Variants in FHIT observed in about 807,000 individuals in gnomAD.
FHIT encodes fragile histidine triad diadenosine triphosphatase, also known as bis(5'-adenosyl)-triphosphatase.
A neutral mutation model predicts 17.9 loss-of-function variants in FHIT; 19 were observed. The ratio of observed to expected loss-of-function variants is 1.06; its 90% CI spans 0.74 to 1.56. The LOEUF (loss-of-function observed/expected upper bound fraction) is 1.56, where lower values mean the gene tolerates loss of function less well. Ranked by LOEUF, FHIT falls within the 40% of genes most tolerant of loss-of-function variation. The probability of loss-of-function intolerance (pLI) is 0.00; values close to 1 mark genes in which losing one functional copy is unlikely to be tolerated. For missense variants in FHIT, 248 were observed against 189.2 expected (o/e 1.31, Z -1.82); for synonymous variants, 81 against 69.7 (o/e 1.16, Z -0.81).
chr3:60,814,866 A>G (rs541571334), intron 4 of FHIT, among the ~76,000 whole-genome samples: 21 of 145,756 alleles, frequency 1.4e-4, no homozygotes, highest in African/African-American at 5.4e-4. Flanking sequence ...CCTCACCAAC[A>G]TGTGGTTTTT....
intron 7 of FHIT, among the ~76,000 whole-genome samples, chr3:59,940,946 C>G (rs1428648635): frequency 6.6e-6 from 1 of 152,136 alleles, no homozygotes; most frequent in Non-Finnish European, 1.5e-5. Context: ...CCGGTCCTAT[C>G]TCAAATTAAA....
chr3:60,441,889 C>T (rs553040148), intron 5 of FHIT, among the ~76,000 whole-genome samples: 9 of 142,590 alleles, frequency 6.3e-5, no homozygotes, highest in African/African-American at 2.1e-4. Context: ...GACAAGGACT[C>T]GCTCTGTCAC....
chr3:60,623,342 C>T (rs1161813535), intron 4 of FHIT, among the ~76,000 whole-genome samples: 1 of 152,104 alleles, frequency 6.6e-6, no homozygotes, highest in Non-Finnish European at 1.5e-5. Flanking sequence ...CTCAATTTAA[C>T]ATGATACTTA....
intron 5 of FHIT, among the ~76,000 whole-genome samples, chr3:60,048,751 C>CT (rs1164417641): frequency 1.3e-5 from 2 of 152,180 alleles, no homozygotes; most frequent in Non-Finnish European, 2.9e-5. Context: ...GAGTGAAAGG[C>CT]TTTCAGGTAA....
intron 2 of FHIT, among the ~76,000 whole-genome samples, chr3:61,151,380 C>G (rs1268696145): frequency 6.6e-6 from 1 of 152,174 alleles, no homozygotes; most frequent in Non-Finnish European, 1.5e-5. Context: ...CCTATGTTCT[C>G]TACCTCAAAA....
At chr3:60,132,407 T>C (rs1699632684) in intron 5 of FHIT, among the ~76,000 whole-genome samples, 2 of 152,144 alleles carry the variant, frequency 1.3e-5, no homozygotes, top group Admixed American at 6.6e-5. Context: ...CTCAGATCTT[T>C]TTGCCTTAAG....
chr3:61,126,640 T>G (rs2036615820), intron 2 of FHIT, among the ~76,000 whole-genome samples: 1 of 152,070 alleles, frequency 6.6e-6, no homozygotes, highest in African/African-American at 2.4e-5. Context: ...GGATTACAAT[T>G]CAAGATCAGA....
At chr3:60,615,827 T>C (rs1244816815) in intron 4 of FHIT, among the ~76,000 whole-genome samples, 3 of 152,230 alleles carry the variant, frequency 2.0e-5, no homozygotes, top group African/African-American at 7.2e-5. Context: ...ATTGCAAAGC[T>C]GATGGCAAGA....
intron 8 of FHIT, among the ~76,000 whole-genome samples, chr3:59,915,600 A>G (rs1010789785): frequency 1.8e-4 from 28 of 152,266 alleles, no homozygotes; most frequent in African/African-American, 6.3e-4. Flanking sequence ...GCTCACCATC[A>G]CTACCATTAT....
chr3:60,752,743 T>G (rs1230223466), intron 4 of FHIT, among the ~76,000 whole-genome samples: 1 of 152,124 alleles, frequency 6.6e-6, no homozygotes, highest in African/African-American at 2.4e-5. Context: ...CTTAACTTTT[T>G]AAGAAATCAG....
chr3:60,290,710 A>G (rs1404522502), intron 5 of FHIT, among the ~76,000 whole-genome samples: 1 of 152,110 alleles, frequency 6.6e-6, no homozygotes, highest in Non-Finnish European at 1.5e-5. Context: ...TGTGTCTCCA[A>G]ATGAGTCCTG....
intron 2 of FHIT, among the ~76,000 whole-genome samples, chr3:61,053,083 A>T (rs890450902): frequency 1.3e-5 from 2 of 152,170 alleles, no homozygotes; most frequent in Non-Finnish European, 2.9e-5. Context: ...GGGAATGAGG[A>T]CTAGAAGCAC....
chr3:60,486,050 T>C (rs2033825083), intron 5 of FHIT, among the ~76,000 whole-genome samples: 1 of 152,164 alleles, frequency 6.6e-6, no homozygotes, highest in African/African-American at 2.4e-5. Context: ...TAGAAGACAC[T>C]TCTGCACACC....
intron 8 of FHIT, among the ~76,000 whole-genome samples, chr3:59,770,713 A>G (rs1290687726): frequency 6.6e-6 from 1 of 152,158 alleles, no homozygotes; most frequent in Non-Finnish European, 1.5e-5. Context: ...CCTCTAATAC[A>G]TATACTCTGG....
Position 61,186,651 on chromosome 3 carries a change from C to T in FHIT, c.-164+13966G>A, listed in dbSNP as rs147301438. ...ACTCTGGTTAGTTTTTGAGGGTCAA[C>T]CACTTCCTGGCCTAAGGCTTCAGGA... On this transcript the variant is annotated intron_variant, in intron 2 of 9. Coordinates refer to ENST00000492590, the MANE Select transcript of FHIT (RefSeq NM_002012.4). Among the ~76,000 whole-genome samples, 19 of 152,292 alleles carry T rather than the reference C, an allele frequency of 1.2e-4. No homozygotes were observed. The East Asian group carries it at 3.7e-3, about 29-fold the overall frequency.
chr3:60,887,443 G>A (rs1042084290), intron 3 of FHIT, among the ~76,000 whole-genome samples: 1 of 152,036 alleles, frequency 6.6e-6, no homozygotes, highest in African/African-American at 2.4e-5. Context: ...TCAGGAGTTC[G>A]AGACCAGCCT....
At chr3:60,959,632 T>G (rs1709317835) in intron 3 of FHIT, among the ~76,000 whole-genome samples, 1 of 151,848 alleles carries the variant, frequency 6.6e-6, no homozygotes, top group African/African-American at 2.4e-5. Flanking sequence ...AGAGAGAAAA[T>G]GAAGCCACTG....
rs569383424 is a variant in FHIT, at chr3:60,890,866, A to G, written c.-110-68855T>C. Among the ~76,000 whole-genome samples, 101 of 152,310 alleles carry G rather than the reference A, an allele frequency of 6.6e-4. 1 individual carries two copies. The highest frequency in any genetic ancestry group is 1.1e-3 in the Non-Finnish European group (75 of 68,018). On this transcript the variant is annotated intron_variant, in intron 3 of 9. Transcript: ENST00000492590. Reference sequence around the variant, plus strand: ...ACTTGGAGCCTCCCAGGGTTAAAGAAGCTCTGCCAAAACTCAAAATCAATA... The same window carrying G: ...ACTTGGAGCCTCCCAGGGTTAAAGAGGCTCTGCCAAAACTCAAAATCAATA...
chr3:61,117,363 A>T (rs1467379496), intron 2 of FHIT, among the ~76,000 whole-genome samples: 1 of 152,200 alleles, frequency 6.6e-6, no homozygotes, highest in Non-Finnish European at 1.5e-5. Flanking sequence ...TCCTGTCCTG[A>T]AATTCTTCCT....
Sources: allele counts gnomAD v4.1 joint callset (sites outside exome capture counted in the v4.1 genomes callset), GRCh38; gene constraint gnomAD v4.1.1; transcripts MANE v1.5; gene names NCBI Gene and HGNC (gene_info 2026-07-23, HGNC 2026-07-21).